Variants in TCF20 observed in about 807,000 individuals in gnomAD.
TCF20 encodes SPRE-binding protein.
Under a neutral mutation model 148.6 loss-of-function variants are expected in TCF20, and 3 were observed. The ratio of observed to expected loss-of-function variants is 0.02; its 90% CI spans 0.01 to 0.05. TCF20 has a LOEUF of 0.05. Ranked by LOEUF, TCF20 falls within the 10% of genes least tolerant of loss-of-function variation. The pLI is 1.00. For missense variants in TCF20, 2,350 were observed against 2,429.3 expected (o/e 0.97, Z 0.69); for synonymous variants, 1,049 against 909.5 (o/e 1.15, Z -2.76).
intron 2 of TCF20, among the ~76,000 whole-genome samples, chr22:42,207,470 C>A (rs1372044783): frequency 8.5e-5 from 13 of 152,148 alleles, no homozygotes; most frequent in Admixed American, 8.5e-4. Context: ...CTGGCCCATA[C>A]TGTAACAGAG....
chr22:42,326,489 AC>A (rs2147055118), intron 1 of TCF20, among the ~76,000 whole-genome samples: 1 of 152,120 alleles, frequency 6.6e-6, no homozygotes, highest in African/African-American at 2.4e-5. Flanking sequence ...CCTTGGACAG[AC>A]CCTGTGACAT....
At chr22:42,162,492 T>A (rs150104447) in intron 5 of TCF20, among the ~76,000 whole-genome samples, 60 of 152,284 alleles carry the variant, frequency 3.9e-4, no homozygotes, top group African/African-American at 1.4e-3. Context: ...GTAGGACAGA[T>A]GGATTGTACC....
At chr22:42,273,693 C>T (rs1926705489), upstream of TCF20, among the ~76,000 whole-genome samples, 1 of 152,218 alleles carries the variant, frequency 6.6e-6, no homozygotes, top group Admixed American at 6.5e-5. Context: ...CCCCCTCCCT[C>T]CTAACCCAGT....
At chr22:42,335,717 G>A (rs1356528772) in intron 1 of TCF20, among the ~76,000 whole-genome samples, 1 of 152,172 alleles carries the variant, frequency 6.6e-6, no homozygotes, top group Non-Finnish European at 1.5e-5. Context: ...GGACCTCTAA[G>A]TGCAGCTTCT....
intron 1 of TCF20, among the ~76,000 whole-genome samples, chr22:42,238,832 A>C (rs1341287903): frequency 6.6e-6 from 1 of 152,196 alleles, no homozygotes; most frequent in African/African-American, 2.4e-5. Context: ...CAAAAGTAAC[A>C]TCAGGCCGGG....
chr22:42,203,074 CAT>C (rs1237755928), intron 2 of TCF20, among the ~76,000 whole-genome samples: 2 of 152,194 alleles, frequency 1.3e-5, no homozygotes, highest in African/African-American at 4.8e-5. Flanking sequence ...GAGTAATTAA[CAT>C]ATAATAACTT....
At chr22:42,228,441 G>C (rs1360718705) in intron 1 of TCF20, among the ~76,000 whole-genome samples, 2 of 152,182 alleles carry the variant, frequency 1.3e-5, no homozygotes, top group Non-Finnish European at 2.9e-5. Context: ...ATAATCCCAA[G>C]AGGTACAAGT....
chr22:42,322,384 CAG>C (rs957263140), intron 1 of TCF20, among the ~76,000 whole-genome samples: 57 of 151,862 alleles, frequency 3.8e-4, no homozygotes, highest in African/African-American at 1.3e-3. Context: ...CGGCAGCCGT[CAG>C]AGAGAGGAGA....
chr22:42,244,508 C>G (rs1924742179), intron 1 of TCF20, among the ~76,000 whole-genome samples: 1 of 152,164 alleles, frequency 6.6e-6, no homozygotes, highest in Non-Finnish European at 1.5e-5. Context: ...TCTCAAAACA[C>G]TACGCGCTAA....
chr22:42,317,828 G>A lies in TCF20; in HGVS notation c.-37+25651C>T, dbSNP rs1238901848. On this transcript the variant is annotated intron_variant, in intron 1 of 1. Transcript: ENST00000515426. The surrounding 1 kb of genome is among the most constrained non-coding windows in gnomAD (Gnocchi z 4.2). ...CAGGCAGCCAGCAGGGCCCAATTAG[G>A]TAGCCAGCTTCAAAGGCACCCATGA... 6.6e-6 allele frequency among the ~76,000 whole-genome samples: 1 copy of A among 152,194 alleles called. No homozygotes were observed.
At chr22:42,304,938 G>C (rs1311434511) in intron 1 of TCF20, among the ~76,000 whole-genome samples, 1 of 152,008 alleles carries the variant, frequency 6.6e-6, no homozygotes, top group Non-Finnish European at 1.5e-5. Flanking sequence ...TTTCTACCAG[G>C]GGCCCCGTAC....
chr22:42,164,450 C>T (rs569953735), intron 5 of TCF20, among the ~76,000 whole-genome samples: 2 of 152,196 alleles, frequency 1.3e-5, no homozygotes, highest in Admixed American at 6.5e-5. Context: ...AGGATGGTCT[C>T]GATCTCCTGA....
intron 2 of TCF20, among the ~76,000 whole-genome samples, chr22:42,182,360 A>C (rs751669555): frequency 2.6e-5 from 4 of 152,212 alleles, no homozygotes; most frequent in Non-Finnish European, 5.9e-5. Flanking sequence ...GCTGGGTCAA[A>C]AGTGCTAAGT....
chr22:42,256,712 A>G (rs1452559947), intron 1 of TCF20, among the ~76,000 whole-genome samples: 1 of 152,226 alleles, frequency 6.6e-6, no homozygotes, highest in Admixed American at 6.5e-5. Context: ...CTTTTCATTT[A>G]CATCTGTTTA....
rs112232283 is a variant in TCF20 at position 42,291,738 on chromosome 22, G to A, written c.-37+51741C>T. On this transcript the variant is annotated intron_variant, in intron 1 of 1. Coordinates refer to the TCF20 transcript ENST00000515426. ...CCGGCTGCCTGGCCTAGCCCAGGCT[G>A]GGCAAAGGTGGAGTCCTGGGGCCAC... Among the ~76,000 whole-genome samples, 1,413 of 152,136 alleles carry A rather than the reference G, an allele frequency of 9.3e-3. 28 individuals are homozygous for A. The highest frequency in any genetic ancestry group is 0.031 in the African/African-American group (1,296 of 41,494).
rs1936013832 is a variant in TCF20, at chr22:42,169,834, G to A, written c.5799+13C>T. ...CCCATCCCTGCTGGTAGCTCTTGGGGCCTCTGACTCACCTTGTGCTTAGGG... is the reference window on the plus strand; with the variant it reads ...CCCATCCCTGCTGGTAGCTCTTGGGACCTCTGACTCACCTTGTGCTTAGGG... On this transcript the variant is annotated intron_variant, in intron 4 of 5. Coordinates refer to ENST00000677622, the MANE Select transcript of TCF20 (RefSeq NM_001378418.1). 10 of 1,613,244 alleles carry A rather than the reference G, an allele frequency of 6.2e-6. No homozygotes were observed. The highest frequency in any genetic ancestry group is 1.3e-5 in the African/African-American group (1 of 74,874).
intron 2 of TCF20, among the ~76,000 whole-genome samples, chr22:42,188,199 C>G (rs533423399): frequency 1.4e-5 from 2 of 141,088 alleles, no homozygotes; most frequent in African/African-American, 5.3e-5. Flanking sequence ...GAGGCTGAGG[C>G]AGGAGAATCG....
chr22:42,251,142 G>A (rs534854108), intron 1 of TCF20, among the ~76,000 whole-genome samples: 4 of 152,112 alleles, frequency 2.6e-5, no homozygotes, highest in Non-Finnish European at 4.4e-5. Context: ...CCTATGAAGT[G>A]TTGTCATGTT....
chr22:42,341,055 C>T (rs931175224), intron 1 of TCF20, among the ~76,000 whole-genome samples: 1 of 152,168 alleles, frequency 6.6e-6, no homozygotes, highest in African/African-American at 2.4e-5. Context: ...TCCATCAAAG[C>T]GCGCGCCGGC....
Sources: gnomAD v4.1 joint callset for allele counts (sites outside exome capture counted in the v4.1 genomes callset) on GRCh38, gnomAD v4.1.1 for gene constraint, Gnocchi (gnomAD v3.1) non-coding constraint, MANE v1.5 for transcripts, NCBI Gene and HGNC (gene_info 2026-07-23, HGNC 2026-07-21) for gene names.